Variants in ADAM2 observed in about 807,000 individuals in gnomAD.
ADAM2 encodes the protein disintegrin and metalloproteinase domain-containing protein 2.
A neutral mutation model predicts 99.3 loss-of-function variants in ADAM2; 101 were observed. The observed-to-expected ratio is 1.02, with a 90% CI of 0.87 to 1.20. The LOEUF (loss-of-function observed/expected upper bound fraction) is 1.20. ADAM2 is among the 50% of genes most tolerant of loss of function. The pLI is 0.00. For synonymous variants in ADAM2, 323 were observed against 287.6 expected, an observed-to-expected ratio of 1.12 and a Z score of -1.25; for missense variants, 948 against 878.7, an observed-to-expected ratio of 1.08 and a Z score of -1.00.
intron 16 of ADAM2, among the ~76,000 whole-genome samples, chr8:39,752,560 C>T (rs968282490): frequency 1.3e-5 from 2 of 152,152 alleles, no homozygotes; most frequent in Non-Finnish European, 2.9e-5. Context: ...TTGCCTAACT[C>T]AAATCTCAGA....
chr8:39,834,472 C>T (rs1222968477), intron 2 of ADAM2, among the ~76,000 whole-genome samples: 3 of 152,096 alleles, frequency 2.0e-5, no homozygotes, highest in East Asian at 1.9e-4. Flanking sequence ...GAAAACCTCA[C>T]GCCTATTATC....
chr8:39,830,864 T>C (rs1586166389), intron 3 of ADAM2, among the ~76,000 whole-genome samples: 2 of 152,110 alleles, frequency 1.3e-5, no homozygotes, highest in Non-Finnish European at 2.9e-5. Flanking sequence ...AATGTGATGG[T>C]TTTAGGAGGT....
chr8:39,782,930 C>A (rs920322633), intron 10 of ADAM2, among the ~76,000 whole-genome samples: 3 of 152,098 alleles, frequency 2.0e-5, no homozygotes, highest in Non-Finnish European at 2.9e-5. Flanking sequence ...AACTCACCAT[C>A]TATAATGCTT....
Position 39,746,489 on chromosome 8 carries a change from C to G in ADAM2, c.2157G>C (p.Glu719Asp). 1.3e-6 allele frequency: 2 copies of G among 1,589,680 alleles called. No individual in the cohort carries two copies. The highest frequency in any genetic ancestry group is 1.7e-6 in the Non-Finnish European group (2 of 1,170,212). ...VNFQRKKWRT[E>D]DYSSDEQPES... ...CAATATACTCATCGCTTGAATAGTC[C>G]TCAGTTCTCCATTTTTTCCTTTGGA... Residue 719 changes from glutamate to aspartate, a missense_variant, in exon 19 of 21, where the codon GAG becomes GAC. Coordinates refer to ENST00000265708, the MANE Select transcript of ADAM2 (RefSeq NM_001464.5).
chr8:39,788,201 C>T lies in ADAM2; in HGVS notation c.693G>A (p.Trp231Ter), dbSNP rs1424824067. Residue 231 changes from tryptophan to a stop codon, truncating the protein, a stop_gained, in exon 9 of 21, where the codon TGG (tryptophan) becomes TGA (stop). Coordinates refer to ENST00000265708, the MANE Select transcript of ADAM2 (RefSeq NM_001464.5). LOFTEE classifies it high-confidence loss of function. ...TGGTTGCAATTTTATTTTCATCTAT[C>T]CAAAGCTCCAATGAAGACAGAATAA... is the stretch of plus-strand genomic sequence containing the variant. ...ITIILSSLEL[W>*]IDENKIATTG... is the part of the protein sequence containing the mutation. 2.5e-6 allele frequency: 4 copies of T among 1,572,780 alleles called. No homozygotes were observed. Among genetic ancestry groups the T allele is most frequent in the Non-Finnish European group, 2.6e-6 (3 of 1,153,176 alleles).
intron 12 of ADAM2, among the ~76,000 whole-genome samples, chr8:39,768,906 G>A (rs1586072015): frequency 6.6e-6 from 1 of 152,168 alleles, no homozygotes. Flanking sequence ...CATGACTACA[G>A]TTAACAATAT....
At chr8:39,749,593 G>GTT in intron 17 of ADAM2, 74 bp downstream of exon 17, 1 of 1,405,682 alleles carries the variant, frequency 7.1e-7, no homozygotes, top group Non-Finnish European at 1.0e-6. Context: ...GTGCGTGTGT[G>GTT]TGTGTGTAGC....
chr8:39,773,526 T>C (rs1802866387), intron 11 of ADAM2, among the ~76,000 whole-genome samples: 1 of 151,504 alleles, frequency 6.6e-6, no homozygotes, highest in Non-Finnish European at 1.5e-5. Flanking sequence ...AGAGTGATTA[T>C]AAAAAGAAAC....
intron 17 of ADAM2, 94 bp downstream of exon 17, chr8:39,749,573 G>T: frequency 7.5e-7 from 1 of 1,330,730 alleles, no homozygotes; most frequent in South Asian, 1.3e-5. Flanking sequence ...TGGTGTGTGT[G>T]TGTGTGTGTG....
chr8:39,767,051 G>T lies in ADAM2; in HGVS notation c.1312-8C>A. 1 of 1,612,194 alleles carries T rather than the reference G, an allele frequency of 6.2e-7. No homozygotes were observed. Among genetic ancestry groups the T allele is most frequent in the East Asian group, 2.2e-5 (1 of 44,814 alleles). On this transcript the variant is annotated splice_region_variant and splice_polypyrimidine_tract_variant and intron_variant, in intron 13 of 20. Coordinates refer to ENST00000265708, the MANE Select transcript of ADAM2 (RefSeq NM_001464.5). ...TCTTTCTTTTGACATAAACTGATGG[G>T]ATGAGGTAAATGATATTGAATTAAG...
chr8:39,749,781 C>T, intron 16 of ADAM2, 37 bp from the exon 17 acceptor site: 1 of 1,534,756 alleles, frequency 6.5e-7, no homozygotes, highest in Non-Finnish European at 9.0e-7. Flanking sequence ...AATTGACATG[C>T]CATCTAGAGT....
At chr8:39,749,576 T>A in intron 17 of ADAM2, 91 bp downstream of exon 17, 1 of 1,339,088 alleles carries the variant, frequency 7.5e-7, no homozygotes, top group Admixed American at 2.0e-5. Flanking sequence ...TGTGTGTGTG[T>A]GTGTGTGTGC....
chr8:39,838,160 C>T lies in ADAM2; in HGVS notation c.26G>A (p.Ser9Asn), dbSNP rs1240283836. MWRVLFLL[S>N]GLGGLRMDSN... ...GTCCATCCGCAGCCCGCCGAGCCCG[C>T]TGAGCAGAAACAAGACGCGCCACAT... Residue 9 changes from serine (S) to asparagine (N), a missense_variant, in exon 1 of 21, where the codon AGC becomes AAC. Transcript: ENST00000265708. 2 of 1,614,158 alleles carry T rather than the reference C, an allele frequency of 1.2e-6. No homozygotes were observed. The highest frequency in any genetic ancestry group is 1.7e-6 in the Non-Finnish European group (2 of 1,180,032).
chr8:39,760,586 T>G (rs2129583719), intron 15 of ADAM2, among the ~76,000 whole-genome samples: 1 of 152,088 alleles, frequency 6.6e-6, no homozygotes, highest in Admixed American at 6.5e-5. Context: ...ACGGGCGTGG[T>G]GGCAGGCGCC....
chr8:39,761,945 A>G (rs534066379), intron 14 of ADAM2, among the ~76,000 whole-genome samples: 3 of 152,240 alleles, frequency 2.0e-5, no homozygotes, highest in Non-Finnish European at 4.4e-5. Flanking sequence ...TTAGCCGGGC[A>G]TGGTGGCAGG....
At chr8:39,791,746 A>C (rs1443176424) in intron 7 of ADAM2, among the ~76,000 whole-genome samples, 1 of 152,056 alleles carries the variant, frequency 6.6e-6, no homozygotes, top group East Asian at 1.9e-4. Context: ...GAAGCTTTAG[A>C]GGTAAAAGAT....
chr8:39,747,684 C>T (rs1399311337), intron 18 of ADAM2, among the ~76,000 whole-genome samples: 3 of 152,088 alleles, frequency 2.0e-5, no homozygotes, highest in East Asian at 1.9e-4. Context: ...CAATAAAATC[C>T]TTGCTTGGAC....
chr8:39,810,430 G>A (rs1247213656), intron 6 of ADAM2, among the ~76,000 whole-genome samples: 1 of 152,104 alleles, frequency 6.6e-6, no homozygotes, highest in Non-Finnish European at 1.5e-5. Flanking sequence ...TGCACCAAGT[G>A]GACCTAATAG....
At chr8:39,811,019 A>G (rs903869701) in intron 6 of ADAM2, among the ~76,000 whole-genome samples, 49 of 152,278 alleles carry the variant, frequency 3.2e-4, no homozygotes, top group Middle Eastern at 3.4e-3. Context: ...TGAAAAGATC[A>G]CCAAAATTGA....
Sources: allele counts gnomAD v4.1 joint callset (sites outside exome capture counted in the v4.1 genomes callset), GRCh38; gene constraint gnomAD v4.1.1; transcripts MANE v1.5; gene names NCBI Gene and HGNC (gene_info 2026-07-23, HGNC 2026-07-21).